Variants in MYH10 observed in about 807,000 individuals in gnomAD.
MYH10 encodes myosin-10.
In MYH10, 55 loss-of-function variants were observed where a neutral mutation model predicts 257.8. That is an observed-to-expected ratio of 0.21 (90% CI 0.17 to 0.27). The LOEUF is 0.27. Among genes scored for constraint, MYH10 ranks in the 10% least tolerant of loss-of-function variants. MYH10 has a pLI of 1.00. For missense variants in MYH10, 1,631 were observed against 2,500.6 expected (o/e 0.65, Z 7.42); for synonymous variants, 854 against 921.7 (o/e 0.93, Z 1.33).
In MYH10 at chr17:8,552,631, C is replaced by T. The variant is rs1452586060; in HGVS notation, c.821-487G>A. Among the ~76,000 whole-genome samples, 1 of 152,180 alleles carries T rather than the reference C, an allele frequency of 6.6e-6. No homozygotes were observed. Among genetic ancestry groups the T allele is most frequent in the Non-Finnish European group, 1.5e-5 (1 of 68,024 alleles). On this transcript the variant is annotated intron_variant, in intron 8 of 42. Coordinates refer to ENST00000360416, the MANE Select transcript of MYH10 (RefSeq NM_001256012.3). The surrounding 1 kb of genome is among the most constrained non-coding windows in gnomAD (Gnocchi z 4.8). The stretch of plus-strand genomic sequence containing the variant: ...GTACAGTTAGGAACCAAAAACTTGG[C>T]TTGACTCCAAAATGCATGATGAGAG...
chr17:8,617,427 T>C (rs2085308438), intron 2 of MYH10, among the ~76,000 whole-genome samples: 1 of 152,218 alleles, frequency 6.6e-6, no homozygotes, highest in Non-Finnish European at 1.5e-5. Flanking sequence ...GATACTGCAC[T>C]AGTCCTCATT....
At chr17:8,542,919 C>T (rs2082330831) in intron 13 of MYH10, among the ~76,000 whole-genome samples, 1 of 152,186 alleles carries the variant, frequency 6.6e-6, no homozygotes, top group Non-Finnish European at 1.5e-5. Context: ...TTGACCTTTG[C>T]AATACCAAAA....
intron 4 of MYH10, among the ~76,000 whole-genome samples, chr17:8,578,485 C>A (rs1480553979): frequency 6.6e-6 from 1 of 152,052 alleles, no homozygotes; most frequent in Non-Finnish European, 1.5e-5. Context: ...CTCAAGTGAT[C>A]CACCTGCCCA....
At chr17:8,533,859 A>C (rs185825103) in intron 16 of MYH10, among the ~76,000 whole-genome samples, 1 of 152,084 alleles carries the variant, frequency 6.6e-6, no homozygotes, top group African/African-American at 2.4e-5. Context: ...ACATGGGGAG[A>C]CTTTGTAACC....
At chr17:8,524,389 G>A (rs768309135) in intron 17 of MYH10, among the ~76,000 whole-genome samples, 8 of 138,516 alleles carry the variant, frequency 5.8e-5, no homozygotes, top group Middle Eastern at 4.8e-3. Flanking sequence ...AGCGGAGGTC[G>A]CAGTAAGCTG....
chr17:8,554,985 T>C (rs2151969589), intron 7 of MYH10, among the ~76,000 whole-genome samples: 1 of 151,886 alleles, frequency 6.6e-6, no homozygotes, highest in Admixed American at 6.5e-5. Context: ...GGTATGGTTA[T>C]ATCTTACTTA....
At chr17:8,568,830 G>A (rs1026156554) in intron 7 of MYH10, among the ~76,000 whole-genome samples, 2 of 151,892 alleles carry the variant, frequency 1.3e-5, no homozygotes, top group African/African-American at 4.8e-5. Context: ...ACAGAGACCT[G>A]GCCATCACTT....
In MYH10 at chr17:8,588,520, G is replaced by A. The variant is rs141113345; in HGVS notation, c.530+561C>T. On this transcript the variant is annotated intron_variant, in intron 4 of 42. Transcript: ENST00000360416. ...AAATCTGCCTCCTAAACTGAACACCGCTTAAACGCAACCACTGCTCTCTAG... is the reference window on the plus strand; with the variant it reads ...AAATCTGCCTCCTAAACTGAACACCACTTAAACGCAACCACTGCTCTCTAG... Among the ~76,000 whole-genome samples, 10 of 152,200 alleles carry A rather than the reference G, an allele frequency of 6.6e-5. No individual in the cohort carries two copies. In the East Asian group the frequency reaches 1.7e-3, roughly 26 times the overall value.
chr17:8,484,395 C>G, intron 36 of MYH10, 129 bp from the exon 37 acceptor site: 2 of 809,594 alleles, frequency 2.5e-6, no homozygotes, highest in East Asian at 2.8e-5. Context: ...AAGCATTGCT[C>G]CTGATTACAA....
intron 2 of MYH10, among the ~76,000 whole-genome samples, chr17:8,616,710 A>T (rs1421188694): frequency 6.6e-6 from 1 of 152,198 alleles, no homozygotes; most frequent in Non-Finnish European, 1.5e-5. Flanking sequence ...AAACTGATCT[A>T]CAGAATCAGT....
intron 6 of MYH10, among the ~76,000 whole-genome samples, chr17:8,571,232 TGGCGC>T (rs1484171409): frequency 1.3e-5 from 2 of 149,042 alleles, no homozygotes; most frequent in Non-Finnish European, 3.0e-5. Flanking sequence ...TGGAGTGCAG[TGGCGC>T]GATCTCGGCT....
chr17:8,494,542 G>A (rs1916282526), intron 31 of MYH10, among the ~76,000 whole-genome samples: 2 of 151,986 alleles, frequency 1.3e-5, no homozygotes, highest in South Asian at 4.2e-4. Flanking sequence ...GCCTGTCTGA[G>A]ATTTTTTTTT....
At chr17:8,522,074 C>CA (rs1172598820) in intron 17 of MYH10, among the ~76,000 whole-genome samples, 5 of 152,148 alleles carry the variant, frequency 3.3e-5, no homozygotes, top group Non-Finnish European at 7.3e-5. Flanking sequence ...CAGCCACAAG[C>CA]AAAACATTTG....
chr17:8,539,348 C>T (rs1239989282), intron 14 of MYH10, among the ~76,000 whole-genome samples: 2 of 152,202 alleles, frequency 1.3e-5, no homozygotes, highest in Non-Finnish European at 2.9e-5. Flanking sequence ...CCCTGCACAG[C>T]ATCCACGCCT....
chr17:8,475,986 G>A (rs1366876165), intron 42 of MYH10, 38 bp from the exon 43 acceptor site: 1 of 1,593,754 alleles, frequency 6.3e-7, no homozygotes, highest in Admixed American at 1.7e-5. Flanking sequence ...TGGGTAAACA[G>A]ACAGGAGCAC....
Position 8,493,863 on chromosome 17 carries a change from C to A in MYH10, c.4079G>T (p.Arg1360Leu). 1 of 1,609,522 alleles carries A rather than the reference C, an allele frequency of 6.2e-7. No individual in the cohort carries two copies. The highest frequency in any genetic ancestry group is 8.5e-7 in the Non-Finnish European group (1 of 1,178,322). ...CCGACTGCTCAGGTTTAGTTTCTGG[C>A]GTGTCTCCTCCTGAAGAAGCTCCTG... Reference protein sequence around the residue: ...DTQELLQEETRQKLNLSSRIR... With the variant: ...DTQELLQEETLQKLNLSSRIR... The change falls in exon 32 of 43, where the codon CGC becomes CTC. Residue 1360 changes from arginine (R) to leucine (L), a missense_variant. Physicochemically the swap from Arg to Leu is moderately radical, Grantham distance 102 (BLOSUM62 -2). Around this residue, in one of 11 missense-constraint regions of MYH10, gnomAD observed 463 missense variants for 621.8 expected, o/e 0.74. Coordinates refer to ENST00000360416, the MANE Select transcript of MYH10 (RefSeq NM_001256012.3).
chr17:8,571,491 G>A (rs765663416), intron 6 of MYH10, among the ~76,000 whole-genome samples: 16 of 152,062 alleles, frequency 1.1e-4, no homozygotes, highest in Admixed American at 3.3e-4. Flanking sequence ...TGTTAAAAAT[G>A]CCAGTCAGGG....
At chr17:8,532,270 C>G (rs1316456862) in intron 16 of MYH10, among the ~76,000 whole-genome samples, 1 of 152,172 alleles carries the variant, frequency 6.6e-6, no homozygotes, top group Non-Finnish European at 1.5e-5. Context: ...AATGCACTCC[C>G]AACGGCATAT....
intron 2 of MYH10, among the ~76,000 whole-genome samples, chr17:8,620,674 A>G (rs759322528): frequency 6.6e-6 from 1 of 152,206 alleles, no homozygotes; most frequent in Non-Finnish European, 1.5e-5. Context: ...GGTTAATTCC[A>G]AAGCCCAATA....
Sources: gnomAD v4.1 joint callset for allele counts (sites outside exome capture counted in the v4.1 genomes callset) on GRCh38, gnomAD v4.1.1 for gene constraint, gnomAD v4.1.1 regional missense constraint, Gnocchi (gnomAD v3.1) non-coding constraint, MANE v1.5 for transcripts, NCBI Gene and HGNC (gene_info 2026-07-23, HGNC 2026-07-21) for gene names.